C4orf51: variants seen among roughly 807,000 people sequenced by gnomAD.
C4orf51 encodes uncharacterized protein C4orf51.
Under a neutral mutation model 25.2 loss-of-function variants are expected in C4orf51, and 25 were observed. The ratio of observed to expected loss-of-function variants is 0.99; its 90% CI spans 0.72 to 1.39. The LOEUF (loss-of-function observed/expected upper bound fraction) is 1.39, where lower values mean the gene tolerates loss of function less well. Among genes scored for constraint, C4orf51 ranks in the 40% most tolerant of loss-of-function variants. The pLI is 0.00. For synonymous variants in C4orf51, 100 were observed against 84.5 expected (o/e 1.18, Z -1.01); for missense variants, 252 against 239.6 (o/e 1.05, Z -0.34).
rs199897419 is a variant in C4orf51 at position 145,729,184 on chromosome 4, G to A, written c.382G>A (p.Asp128Asn). ...CTTTTTATAGGCACATCAAATTTGG[G>A]ATTTTGGTGATTGTTTTCCGACACC... is the stretch of plus-strand genomic sequence containing the variant. ...VKHGVAHQIW[D>N]FGDCFPTPPN... Residue 128 changes from aspartate to asparagine, a missense_variant, in exon 4 of 6, where the codon GAT becomes AAT. Asp to Asn is a conservative substitution (Grantham distance 23). Coordinates refer to ENST00000438731, the MANE Select transcript of C4orf51 (RefSeq NM_001080531.3). The A allele has an allele frequency of 2.5e-6, 4 of 1,606,866 alleles. No individual in the cohort carries two copies. The East Asian group carries it at 6.7e-5, about 27-fold the overall frequency.
At chr4:145,695,842 C>A (rs1216565858) in intron 1 of C4orf51, among the ~76,000 whole-genome samples, 1 of 152,134 alleles carries the variant, frequency 6.6e-6, no homozygotes, top group African/African-American at 2.4e-5. Flanking sequence ...CAAAAAAGAA[C>A]AAGATCATAT....
intron 2 of C4orf51, among the ~76,000 whole-genome samples, chr4:145,700,106 CCG>C (rs1730331678): frequency 1.3e-5 from 2 of 150,918 alleles, no homozygotes; most frequent in African/African-American, 4.9e-5. Context: ...TCCCTTATTT[CCG>C]CACCCCAACC....
chr4:145,775,761 G>A (rs746683207), downstream of C4orf51: 83 of 1,612,736 alleles, frequency 5.1e-5, 1 homozygote, highest in Admixed American at 1.1e-3. Flanking sequence ...TGAGAAAGGC[G>A]GACTAGCATG....
At chr4:145,738,984 C>T (rs956241238) in intron 1 of C4orf51, among the ~76,000 whole-genome samples, 2 of 152,136 alleles carry the variant, frequency 1.3e-5, no homozygotes, top group African/African-American at 4.8e-5. Flanking sequence ...AGCCTTCTTT[C>T]ATTCTGTCCT....
chr4:145,694,320 C>A (rs557278732), intron 1 of C4orf51, among the ~76,000 whole-genome samples: 1 of 145,212 alleles, frequency 6.9e-6, no homozygotes, highest in African/African-American at 2.6e-5. Context: ...ACATCCCAGA[C>A]GATGGGCAGC....
At chr4:145,694,074 G>T (rs376321957) in intron 1 of C4orf51, among the ~76,000 whole-genome samples, 30,662 of 115,898 alleles carry the variant, frequency 0.26, 3,846 homozygotes, top group Admixed American at 0.39. Context: ...CGGGGTCTCG[G>T]CCGGGCAGAG....
chr4:145,747,689 C>G (rs1045667967), intron 1 of C4orf51, among the ~76,000 whole-genome samples: 2 of 133,008 alleles, frequency 1.5e-5, no homozygotes, highest in African/African-American at 5.4e-5. Flanking sequence ...TCCCTCCCTC[C>G]CTTCCTTCCT....
At chr4:145,689,342 C>A (rs1448233736) in intron 1 of C4orf51, among the ~76,000 whole-genome samples, 1 of 151,730 alleles carries the variant, frequency 6.6e-6, no homozygotes, top group African/African-American at 2.4e-5. Flanking sequence ...AAAAGGCAAG[C>A]CACAGAGAAG....
the C4orf51 span, among the ~76,000 whole-genome samples, chr4:145,784,493 A>G: frequency 6.6e-6 from 1 of 152,182 alleles, no homozygotes; most frequent in Admixed American, 6.5e-5. Context: ...AGAACTCTCC[A>G]TATTCATTAT....
At chr4:145,683,185 A>G (rs897552591) in intron 1 of C4orf51, among the ~76,000 whole-genome samples, 2 of 152,186 alleles carry the variant, frequency 1.3e-5, no homozygotes, top group Non-Finnish European at 2.9e-5. Flanking sequence ...ACTTAGGTAT[A>G]AATCTAACAA....
chr4:145,700,464 C>G (rs1730361280), intron 2 of C4orf51, among the ~76,000 whole-genome samples: 1 of 152,152 alleles, frequency 6.6e-6, no homozygotes, highest in Non-Finnish European at 1.5e-5. Flanking sequence ...TCTCACCTGA[C>G]CTAAAATCTA....
intron 2 of C4orf51, among the ~76,000 whole-genome samples, chr4:145,717,466 G>T (rs1161003350): frequency 6.6e-6 from 1 of 152,178 alleles, no homozygotes; most frequent in Non-Finnish European, 1.5e-5. Flanking sequence ...TTACCCAAAT[G>T]ATAATTTCTC....
chr4:145,719,379 G>A (rs1731593653), intron 2 of C4orf51, among the ~76,000 whole-genome samples: 4 of 152,150 alleles, frequency 2.6e-5, no homozygotes, highest in South Asian at 2.1e-4. Context: ...GCCGAGGCAG[G>A]CGGATCACGA....
At chr4:145,727,655 C>A (rs1290014153) in intron 3 of C4orf51, among the ~76,000 whole-genome samples, 1 of 151,036 alleles carries the variant, frequency 6.6e-6, no homozygotes, top group African/African-American at 2.4e-5. Context: ...ACAGGTGGAT[C>A]ACCTGAGGTC....
chr4:145,727,169 T>C (rs1732111975), intron 3 of C4orf51, among the ~76,000 whole-genome samples, 200 bp downstream of exon 3: 1 of 152,228 alleles, frequency 6.6e-6, no homozygotes, highest in South Asian at 2.1e-4. Flanking sequence ...TTACGAATTG[T>C]GAACAACTGA....
intron 1 of C4orf51, among the ~76,000 whole-genome samples, chr4:145,681,548 T>C (rs1157227626): frequency 6.6e-6 from 1 of 152,172 alleles, no homozygotes; most frequent in African/African-American, 2.4e-5. Flanking sequence ...CTTGGCCAGG[T>C]AGTGAAGTTG....
At chr4:145,734,426 G>T (rs1732686779), downstream of C4orf51, among the ~76,000 whole-genome samples, 1 of 146,906 alleles carries the variant, frequency 6.8e-6, no homozygotes, top group African/African-American at 2.5e-5. Context: ...GGAGGGTGGG[G>T]AAGAGACCTG....
the C4orf51 span, among the ~76,000 whole-genome samples, chr4:145,788,043 C>T: frequency 1.3e-5 from 2 of 152,202 alleles, no homozygotes; most frequent in South Asian, 4.1e-4. Flanking sequence ...TGCCTAGTGA[C>T]TCTGGGAGAG....
At chr4:145,734,144 C>A (rs1280482794), downstream of C4orf51, among the ~76,000 whole-genome samples, 1 of 152,198 alleles carries the variant, frequency 6.6e-6, no homozygotes, top group Non-Finnish European at 1.5e-5. Context: ...GGGGTCTACA[C>A]CTTCTCGCCT....
Sources: gnomAD v4.1 joint callset for allele counts (sites outside exome capture counted in the v4.1 genomes callset) on GRCh38, gnomAD v4.1.1 for gene constraint, MANE v1.5 for transcripts, NCBI Gene and HGNC (gene_info 2026-07-23, HGNC 2026-07-21) for gene names.